CDH11: variants seen among roughly 807,000 people sequenced by gnomAD.
The protein encoded by CDH11 is cadherin 11.
CDH11 carries 11 observed loss-of-function variants against 67.8 expected under a neutral mutation model. The observed-to-expected ratio is 0.16, with a 90% confidence interval of 0.10 to 0.27. CDH11 has a LOEUF of 0.27. Among genes scored for constraint, CDH11 ranks in the 10% least tolerant of loss-of-function variants. The probability of loss-of-function intolerance (pLI) is 1.00; values close to 1 mark genes in which losing one functional copy is unlikely to be tolerated. For missense variants in CDH11, 847 were observed against 1,031.2 expected (o/e 0.82, Z 2.45); for synonymous variants, 419 against 400.0 (o/e 1.05, Z -0.57).
intron 2 of CDH11, among the ~76,000 whole-genome samples, chr16:65,017,039 A>G (rs1370558725): frequency 6.6e-6 from 1 of 152,150 alleles, no homozygotes; most frequent in Non-Finnish European, 1.5e-5. Flanking sequence ...ATAATGAGCA[A>G]TGAGGATGAT....
At position 64,946,072 on chromosome 16, in the gene CDH11, G is replaced by GTCAT. The variant is rs1596996653; in HGVS notation, c.*1530_*1531insATGA. ...CTGTAGACACACTCCTGGACCAAAT[G>GTCAT]GCATCGACTCTCAGAATCCAAAATG... On this transcript the variant is annotated 3_prime_UTR_variant, in exon 13 of 13. Transcript: ENST00000268603. 9.4e-7 allele frequency: 1 copy of GTCAT among 1,058,948 alleles called. No individual in the cohort carries two copies. The highest frequency in any genetic ancestry group is 5.2e-5 in the East Asian group (1 of 19,280). The allele number at this position is 1,058,948 out of a possible 1,614,324, so 65.6% of individuals were successfully genotyped here.
intron 7 of CDH11, among the ~76,000 whole-genome samples, chr16:64,983,666 T>A (rs1042124626): frequency 6.6e-6 from 1 of 152,186 alleles, no homozygotes; most frequent in Non-Finnish European, 1.5e-5. Context: ...CAGGAAACAC[T>A]ACCTTTTCCT....
At chr16:65,082,333 G>T (rs1344675621) in intron 1 of CDH11, among the ~76,000 whole-genome samples, 3 of 152,174 alleles carry the variant, frequency 2.0e-5, no homozygotes, top group Non-Finnish European at 4.4e-5. Flanking sequence ...ATTGGACTGG[G>T]TGGCCCAGTG....
chr16:65,096,104 T>C (rs2074885827), intron 1 of CDH11, among the ~76,000 whole-genome samples: 1 of 152,228 alleles, frequency 6.6e-6, no homozygotes, highest in Non-Finnish European at 1.5e-5. Flanking sequence ...TGAAGTCAGA[T>C]TGAATACATA....
chr16:64,984,067 A>C (rs1417624539), intron 7 of CDH11, among the ~76,000 whole-genome samples: 1 of 152,158 alleles, frequency 6.6e-6, no homozygotes, highest in African/African-American at 2.4e-5. Flanking sequence ...AGGCCTTTGC[A>C]GAGGTTTATG....
At chr16:65,098,808 T>A (rs2074941662) in intron 1 of CDH11, among the ~76,000 whole-genome samples, 1 of 152,178 alleles carries the variant, frequency 6.6e-6, no homozygotes, top group Non-Finnish European at 1.5e-5. Context: ...GCTGAAGTCC[T>A]GTTCTTGTCT....
rs376952871 is a variant in CDH11 at position 64,996,183 on chromosome 16, C to CA, written c.523+2378dup. The stretch of plus-strand genomic sequence containing the variant: ...TCTGAAAAGCAATTTGGAGAAGTCT[C>CA]AAAAAAAACAGAATTACAATTCAAG... On this transcript the variant is annotated intron_variant, in intron 4 of 12. Coordinates refer to ENST00000268603, the MANE Select transcript of CDH11 (RefSeq NM_001797.4). 9.6e-4 allele frequency among the ~76,000 whole-genome samples: 146 copies of CA among 151,606 alleles called. 1 individual carries two copies. Among genetic ancestry groups the CA allele is most frequent in the African/African-American group, 3.4e-3 (139 of 41,318 alleles).
intron 1 of CDH11, among the ~76,000 whole-genome samples, chr16:65,071,327 C>T (rs139740884): frequency 2.6e-5 from 4 of 152,288 alleles, no homozygotes; most frequent in African/African-American, 7.2e-5. Flanking sequence ...ACAACACACA[C>T]GCACACACAC....
At chr16:65,011,806 G>T (rs1280812495) in intron 2 of CDH11, among the ~76,000 whole-genome samples, 1 of 152,118 alleles carries the variant, frequency 6.6e-6, no homozygotes, top group African/African-American at 2.4e-5. Flanking sequence ...TTGTTCTTTT[G>T]TATGAGCTAA....
intron 2 of CDH11, among the ~76,000 whole-genome samples, chr16:65,049,876 A>G (rs1054489625): frequency 6.6e-6 from 1 of 152,152 alleles, no homozygotes; most frequent in African/African-American, 2.4e-5. Context: ...GGAAATACAC[A>G]TTCACAGACA....
rs771663665 is a variant in CDH11 at position 64,972,899 on chromosome 16, C to T, written c.1390+5G>A. On this transcript the variant is annotated splice_donor_5th_base_variant and intron_variant, in intron 9 of 12. Transcript: ENST00000268603. ...TAGAATCAAAACCATGAGGAGAATA[C>T]TTACGGATTTCTGCTGCAAAGACAG... 14 of 1,613,600 alleles carry T rather than the reference C, an allele frequency of 8.7e-6. No individual in the cohort carries two copies. The highest frequency in any genetic ancestry group is 8.5e-6 in the Non-Finnish European group (10 of 1,179,768).
chr16:65,093,316 G>A lies in CDH11; in HGVS notation c.-298+28564C>T, dbSNP rs546804254. Among the ~76,000 whole-genome samples, 25 of 150,142 alleles carry A rather than the reference G, an allele frequency of 1.7e-4. No individual in the cohort carries two copies. In the South Asian group the frequency reaches 3.6e-3, roughly 22 times the overall value. ...ACTATTTCTGAGACCCAAAGACTAC[G>A]AGGAGCACAGTGACCGACTCCTAGG... is the stretch of plus-strand genomic sequence containing the variant. On this transcript the variant is annotated intron_variant, in intron 1 of 12. Coordinates refer to ENST00000268603, the MANE Select transcript of CDH11 (RefSeq NM_001797.4).
chr16:64,988,853 G>A (rs2072559807), intron 6 of CDH11, among the ~76,000 whole-genome samples: 1 of 151,912 alleles, frequency 6.6e-6, no homozygotes, highest in African/African-American at 2.4e-5. Context: ...CTCTATATTC[G>A]ACACTCCCCT....
chr16:65,106,190 T>C (rs748367431), intron 1 of CDH11, among the ~76,000 whole-genome samples: 2 of 152,196 alleles, frequency 1.3e-5, no homozygotes, highest in Non-Finnish European at 1.5e-5. Context: ...CAATCCCTCC[T>C]GTAGGGAGGT....
chr16:65,079,924 T>C (rs1484082264), intron 1 of CDH11, among the ~76,000 whole-genome samples: 6 of 152,242 alleles, frequency 3.9e-5, no homozygotes, highest in African/African-American at 1.4e-4. Flanking sequence ...CAGCTCAAAT[T>C]GCATTATAAT....
intron 1 of CDH11, among the ~76,000 whole-genome samples, chr16:65,087,479 TCAC>T: frequency 6.6e-6 from 1 of 152,326 alleles, no homozygotes; most frequent in South Asian, 2.1e-4. Context: ...AAATCATACA[TCAC>T]ATGCTGCTGC....
At chr16:64,991,709 G>T in intron 6 of CDH11, 59 bp downstream of exon 6, 1 of 1,301,736 alleles carries the variant, frequency 7.7e-7, no homozygotes, top group Non-Finnish European at 1.1e-6. Flanking sequence ...ATAGGTTAGA[G>T]GAGGGAGAGA....
At chr16:65,021,225 T>C (rs1479674377) in intron 2 of CDH11, among the ~76,000 whole-genome samples, 1 of 152,200 alleles carries the variant, frequency 6.6e-6, no homozygotes, top group Non-Finnish European at 1.5e-5. Context: ...AAGTAATTTC[T>C]GATACCTGCA....
intron 4 of CDH11, among the ~76,000 whole-genome samples, chr16:64,993,574 C>T (rs777834393): frequency 1.3e-5 from 2 of 152,122 alleles, no homozygotes; most frequent in Non-Finnish European, 2.9e-5. Flanking sequence ...GAGCAGAATG[C>T]TGTTCCCTAC....
Sources: allele counts gnomAD v4.1 joint callset (sites outside exome capture counted in the v4.1 genomes callset), GRCh38; gene constraint gnomAD v4.1.1; transcripts MANE v1.5; gene names NCBI Gene and HGNC (gene_info 2026-07-23, HGNC 2026-07-21).